Variants in CSMD3 observed in about 807,000 individuals in gnomAD.
CSMD3 encodes the protein CUB and sushi domain-containing protein 3.
In CSMD3, 177 loss-of-function variants were observed where a neutral mutation model predicts 435.2. That is an observed-to-expected ratio of 0.41 (90% CI 0.36 to 0.46). The LOEUF is 0.46. Ranked by LOEUF, CSMD3 falls within the 20% of genes least tolerant of loss-of-function variation. The probability of loss-of-function intolerance (pLI) is 0.34; values close to 1 mark genes in which losing one functional copy is unlikely to be tolerated. For synonymous variants in CSMD3, 1,656 were observed against 1,520.5 expected (o/e 1.09, Z -2.07); for missense variants, 4,265 against 4,504.6 (o/e 0.95, Z 1.52).
intron 1 of CSMD3, among the ~76,000 whole-genome samples, chr8:113,323,559 C>G (rs996390313): frequency 6.6e-6 from 1 of 152,130 alleles, no homozygotes; most frequent in Non-Finnish European, 1.5e-5. Flanking sequence ...AAAATGACCT[C>G]ATTTGCATTA....
intron 17 of CSMD3, among the ~76,000 whole-genome samples, chr8:112,659,883 A>G (rs138170210): frequency 1.4e-4 from 21 of 152,264 alleles, no homozygotes; most frequent in African/African-American, 5.1e-4. Context: ...TGAATAATAT[A>G]TTGGTAAATA....
chr8:112,727,829 T>A (rs1380626863), intron 13 of CSMD3, among the ~76,000 whole-genome samples: 1 of 151,882 alleles, frequency 6.6e-6, no homozygotes, highest in Non-Finnish European at 1.5e-5. Context: ...ATGGCATTTT[T>A]AAACTGTTTA....
At chr8:113,084,622 CA>C (rs35078367) in intron 5 of CSMD3, among the ~76,000 whole-genome samples, 66,445 of 117,552 alleles carry the variant, frequency 0.57, 17,411 homozygotes, top group East Asian at 0.88. Flanking sequence ...TGAATGGAAC[CA>C]AAAAAAAAAA....
chr8:112,682,580 C>G lies in CSMD3; in HGVS notation c.2539G>C (p.Gly847Arg), dbSNP rs1389728690. The G allele has an allele frequency of 6.2e-6, 10 of 1,613,772 alleles. No individual in the cohort carries two copies. Among genetic ancestry groups the G allele is most frequent in the Non-Finnish European group, 8.5e-6 (10 of 1,179,712 alleles). ...PGIPINARRF[G>R]DNFQLGSSIS... ...GAACTTCCTAATTGAAAGTTGTCCC[C>G]AAACCGCCGTGCATTGATTGGTATT... The change falls in exon 16 of 71, where the codon GGG becomes CGG. Residue 847 changes from glycine to arginine, a missense_variant. By Grantham distance (125) the Gly-to-Arg change is moderately radical. Around this residue, in one of 3 missense-constraint regions of CSMD3, gnomAD observed 279 missense variants for 369.0 expected, o/e 0.76. Transcript: ENST00000297405.
intron 27 of CSMD3, among the ~76,000 whole-genome samples, chr8:112,540,105 A>G (rs1451537111): frequency 1.3e-5 from 2 of 152,002 alleles, no homozygotes; most frequent in African/African-American, 4.8e-5. Context: ...CAAATAATCC[A>G]ATTAATAATG....
intron 10 of CSMD3, among the ~76,000 whole-genome samples, chr8:112,911,641 ATGTGTGTGTG>A (rs10609412): frequency 7.1e-4 from 105 of 147,038 alleles, no homozygotes; most frequent in African/African-American, 1.9e-3. Flanking sequence ...GTACATATAT[ATGTGTGTGTG>A]TGTGTGTGTG....
intron 13 of CSMD3, among the ~76,000 whole-genome samples, chr8:112,734,551 A>G (rs968882673): frequency 9.2e-5 from 14 of 152,106 alleles, no homozygotes; most frequent in Middle Eastern, 6.8e-3. Flanking sequence ...AAATGATATA[A>G]CATTAGTTCT....
chr8:113,301,629 A>C (rs1180749763), intron 2 of CSMD3, among the ~76,000 whole-genome samples: 2 of 151,904 alleles, frequency 1.3e-5, no homozygotes, highest in East Asian at 3.9e-4. Context: ...TATATGTGAC[A>C]CTTGTGATTT....
At chr8:112,469,933 A>G (rs1456244284) in intron 32 of CSMD3, among the ~76,000 whole-genome samples, 1 of 152,216 alleles carries the variant, frequency 6.6e-6, no homozygotes, top group Admixed American at 6.5e-5. Flanking sequence ...GTAATACTGA[A>G]AAGTAATAAA....
intron 11 of CSMD3, among the ~76,000 whole-genome samples, chr8:112,858,141 T>C (rs1459717401): frequency 6.6e-6 from 1 of 151,638 alleles, no homozygotes; most frequent in Non-Finnish European, 1.5e-5. Context: ...TGATAAGTGA[T>C]CACAAAAATT....
chr8:112,978,418 C>A (rs971497969), intron 6 of CSMD3, among the ~76,000 whole-genome samples: 1 of 151,908 alleles, frequency 6.6e-6, no homozygotes, highest in Non-Finnish European at 1.5e-5. Flanking sequence ...TCAAGACCTG[C>A]AGACCCAATC....
At chr8:112,517,465 C>T (rs1823797020) in intron 27 of CSMD3, among the ~76,000 whole-genome samples, 2 of 151,688 alleles carry the variant, frequency 1.3e-5, no homozygotes, top group Non-Finnish European at 2.9e-5. Flanking sequence ...GTGAAAGACA[C>T]TGAAGATTAT....
chr8:113,148,454 TTC>T (rs2091730114), intron 4 of CSMD3, among the ~76,000 whole-genome samples: 1 of 151,894 alleles, frequency 6.6e-6, no homozygotes, highest in Middle Eastern at 3.4e-3. Context: ...TAACTGTATC[TTC>T]TGTGTAATTA....
chr8:112,423,469 A>G (rs1226325650), intron 32 of CSMD3, among the ~76,000 whole-genome samples: 2 of 152,188 alleles, frequency 1.3e-5, no homozygotes, highest in Non-Finnish European at 2.9e-5. Context: ...GAAATTCTAG[A>G]TATCATAAAC....
chr8:112,675,372 T>A (rs746428573), intron 16 of CSMD3, among the ~76,000 whole-genome samples: 1 of 152,148 alleles, frequency 6.6e-6, no homozygotes, highest in Non-Finnish European at 1.5e-5. Flanking sequence ...ATCTCCTTTA[T>A]CTATAAAGCA....
intron 58 of CSMD3, among the ~76,000 whole-genome samples, chr8:112,286,565 T>A (rs1819220929): frequency 6.6e-6 from 1 of 152,198 alleles, no homozygotes; most frequent in African/African-American, 2.4e-5. Context: ...CATATTCACA[T>A]AACTTTTATT....
chr8:112,439,427 C>A (rs2130484148), intron 32 of CSMD3, among the ~76,000 whole-genome samples: 1 of 152,220 alleles, frequency 6.6e-6, no homozygotes, highest in Admixed American at 6.5e-5. Context: ...GTGTGAGCCA[C>A]CGTGACATAC....
At chr8:112,847,209 C>T (rs2080348258) in intron 11 of CSMD3, among the ~76,000 whole-genome samples, 2 of 152,074 alleles carry the variant, frequency 1.3e-5, no homozygotes, top group East Asian at 1.9e-4. Flanking sequence ...CCCTTGGATG[C>T]TTCTTGCCCT....
chr8:112,383,444 C>G (rs1829654171), intron 37 of CSMD3, 123 bp downstream of exon 37: 1 of 665,808 alleles, frequency 1.5e-6, no homozygotes, highest in Admixed American at 2.5e-5. Flanking sequence ...GTCCTTGTAT[C>G]TTTGTGTATA....
Sources: gnomAD v4.1 joint callset for allele counts (sites outside exome capture counted in the v4.1 genomes callset) on GRCh38, gnomAD v4.1.1 for gene constraint, gnomAD v4.1.1 regional missense constraint, MANE v1.5 for transcripts, NCBI Gene and HGNC (gene_info 2026-07-23, HGNC 2026-07-21) for gene names.